Variants in MSI2 observed in about 807,000 individuals in gnomAD.
MSI2 encodes musashi RNA binding protein 2.
In MSI2, 17 loss-of-function variants were observed where a neutral mutation model predicts 45.6. That is an observed-to-expected ratio of 0.37 (90% CI 0.26 to 0.56). The LOEUF is 0.56. Among genes scored for constraint, MSI2 ranks in the 20% least tolerant of loss-of-function variants. The pLI is 0.77. For missense variants in MSI2, 293 were observed against 444.2 expected (o/e 0.66, Z 3.06); for synonymous variants, 156 against 158.2 (o/e 0.99, Z 0.11).
intron 6 of MSI2, among the ~76,000 whole-genome samples, chr17:57,470,242 A>G (rs548542046): frequency 3.3e-5 from 5 of 152,166 alleles, no homozygotes; most frequent in Admixed American, 3.3e-4. Context: ...TATGCCTTGC[A>G]CAGCTTTGAC....
At chr17:57,468,445 T>C (rs2085370200) in intron 6 of MSI2, among the ~76,000 whole-genome samples, 2 of 139,300 alleles carry the variant, frequency 1.4e-5, no homozygotes, top group South Asian at 2.2e-4. Flanking sequence ...GGCGTGAAAC[T>C]GGGAGGCGGA....
intron 5 of MSI2, among the ~76,000 whole-genome samples, chr17:57,298,481 G>A (rs553661498): frequency 6.6e-6 from 1 of 152,312 alleles, no homozygotes; most frequent in Admixed American, 6.5e-5. Context: ...CAAGGTGGGA[G>A]TTTGAGACCA....
chr17:57,368,520 G>A lies in MSI2; in HGVS notation c.313-32859G>A, dbSNP rs1180519045. On this transcript the variant is annotated intron_variant, in intron 5 of 13. Coordinates refer to ENST00000284073, the MANE Select transcript of MSI2 (RefSeq NM_138962.4). ...TAGTGAGCAGAGATCTCACCACTGTGCTCCCACCTGGGTGACGGAGTGAGA... is the reference window on the plus strand; with the variant it reads ...TAGTGAGCAGAGATCTCACCACTGTACTCCCACCTGGGTGACGGAGTGAGA... Among the ~76,000 whole-genome samples the A allele has an allele frequency of 4.6e-5, 7 of 152,258 alleles. No homozygotes were observed. In the East Asian group the frequency reaches 1.4e-3, roughly 29 times the overall value.
At chr17:57,534,371 T>C (rs2086880253) in intron 7 of MSI2, among the ~76,000 whole-genome samples, 1 of 152,234 alleles carries the variant, frequency 6.6e-6, no homozygotes, top group South Asian at 2.1e-4. Flanking sequence ...GTTTGGAATA[T>C]TGCATAGCAG....
chr17:57,510,234 G>A (rs1262882398), intron 6 of MSI2, among the ~76,000 whole-genome samples: 1 of 151,950 alleles, frequency 6.6e-6, no homozygotes, highest in Non-Finnish European at 1.5e-5. Flanking sequence ...GGGTGGGGAG[G>A]GTGCCTGGGC....
chr17:57,312,949 C>A (rs1050778689), intron 5 of MSI2, among the ~76,000 whole-genome samples: 1 of 152,106 alleles, frequency 6.6e-6, no homozygotes, highest in African/African-American at 2.4e-5. Context: ...TGGGTTCAAG[C>A]GATTCTCCTG....
chr17:57,320,626 G>A (rs1913254057), intron 5 of MSI2, among the ~76,000 whole-genome samples: 1 of 152,206 alleles, frequency 6.6e-6, no homozygotes, highest in Admixed American at 6.5e-5. Context: ...AGCGCTGAGT[G>A]ATGCCCAAAG....
intron 6 of MSI2, among the ~76,000 whole-genome samples, chr17:57,502,318 C>T (rs1248941784): frequency 6.6e-6 from 1 of 152,010 alleles, no homozygotes; most frequent in Non-Finnish European, 1.5e-5. Context: ...AGAGCATGGG[C>T]TCTGGGGTCC....
chr17:57,348,324 G>A (rs766918781), intron 5 of MSI2, among the ~76,000 whole-genome samples: 1 of 152,158 alleles, frequency 6.6e-6, no homozygotes, highest in Non-Finnish European at 1.5e-5. Context: ...CTCAGTTTCA[G>A]GAGTTCTAGT....
At chr17:57,325,555 G>A (rs1248478159) in intron 5 of MSI2, among the ~76,000 whole-genome samples, 1 of 152,198 alleles carries the variant, frequency 6.6e-6, no homozygotes, top group Non-Finnish European at 1.5e-5. Flanking sequence ...TTCTTGCACC[G>A]GTTGCCCCCT....
At chr17:57,381,951 A>C (rs1000849639) in intron 5 of MSI2, among the ~76,000 whole-genome samples, 3 of 152,118 alleles carry the variant, frequency 2.0e-5, no homozygotes, top group African/African-American at 7.2e-5. Context: ...GCTTTGGGGG[A>C]TGCAAAGATG....
chr17:57,348,708 C>G (rs540381574), intron 5 of MSI2, among the ~76,000 whole-genome samples: 2 of 152,058 alleles, frequency 1.3e-5, no homozygotes, highest in Non-Finnish European at 2.9e-5. Context: ...TGAAGAACCG[C>G]GAGCCAAAAA....
At chr17:57,516,628 T>C (rs2086475303) in intron 6 of MSI2, among the ~76,000 whole-genome samples, 1 of 152,190 alleles carries the variant, frequency 6.6e-6, no homozygotes, top group African/African-American at 2.4e-5. Flanking sequence ...CTGGAATGCA[T>C]TCTGGTAATA....
At chr17:57,282,025 C>A (rs1387308201) in intron 5 of MSI2, among the ~76,000 whole-genome samples, 2 of 152,218 alleles carry the variant, frequency 1.3e-5, no homozygotes, top group African/African-American at 4.8e-5. Context: ...ACTGCTTTGA[C>A]TTCCCTAGCT....
chr17:57,676,134 G>A (rs942899396), intron 12 of MSI2, among the ~76,000 whole-genome samples: 7 of 152,344 alleles, frequency 4.6e-5, no homozygotes, highest in Admixed American at 2.0e-4. Flanking sequence ...GCCACGCTGC[G>A]GAGAACAAAA....
At chr17:57,299,346 C>T (rs1035796565) in intron 5 of MSI2, among the ~76,000 whole-genome samples, 2 of 152,210 alleles carry the variant, frequency 1.3e-5, no homozygotes, top group African/African-American at 4.8e-5. Context: ...GTGTAAGAGG[C>T]CTGGCTTTCA....
chr17:57,379,873 C>T (rs958877273), intron 5 of MSI2, among the ~76,000 whole-genome samples: 13 of 152,214 alleles, frequency 8.5e-5, no homozygotes, highest in African/African-American at 2.9e-4. Flanking sequence ...GGTGACTCCC[C>T]ACCCCTCCCA....
chr17:57,420,745 T>A (rs2143288711), intron 6 of MSI2, among the ~76,000 whole-genome samples: 1 of 152,318 alleles, frequency 6.6e-6, no homozygotes, highest in South Asian at 2.1e-4. Context: ...TTTTCTTGCT[T>A]CTTCCTCCCC....
At chr17:57,615,392 C>T (rs1436472806) in intron 8 of MSI2, among the ~76,000 whole-genome samples, 2 of 152,112 alleles carry the variant, frequency 1.3e-5, no homozygotes, top group Admixed American at 6.5e-5. Flanking sequence ...CCACCTCCCA[C>T]AGTGCTGGGA....
Sources: gnomAD v4.1 joint callset for allele counts (sites outside exome capture counted in the v4.1 genomes callset) on GRCh38, gnomAD v4.1.1 for gene constraint, MANE v1.5 for transcripts, NCBI Gene and HGNC (gene_info 2026-07-23, HGNC 2026-07-21) for gene names.